FANCI: variants seen among roughly 807,000 people sequenced by gnomAD.
The protein encoded by FANCI is Fanconi anemia group I protein.
A neutral mutation model predicts 176.1 loss-of-function variants in FANCI; 156 were observed. The ratio of observed to expected loss-of-function variants is 0.89; its 90% CI spans 0.78 to 1.01. The LOEUF is 1.01. Ranked by LOEUF, FANCI falls within the 50% of genes least tolerant of loss-of-function variation. The pLI is 0.00. For missense variants in FANCI, 1,678 were observed against 1,534.1 expected, an observed-to-expected ratio of 1.09 and a Z score of -1.57; for synonymous variants, 613 against 541.7, an observed-to-expected ratio of 1.13 and a Z score of -1.83.
At chr15:89,256,608 T>C (rs888615955) in intron 2 of FANCI, among the ~76,000 whole-genome samples, 1 of 152,188 alleles carries the variant, frequency 6.6e-6, no homozygotes, top group Non-Finnish European at 1.5e-5. Context: ...TGACTCTTGG[T>C]GTTTCTCTTC....
intron 24 of FANCI, 54 bp from the exon 25 acceptor site, chr15:89,299,746 A>AT (rs1181841068): frequency 1.3e-6 from 2 of 1,579,876 alleles, no homozygotes; most frequent in African/African-American, 2.7e-5. Flanking sequence ...ACTGTTTGTT[A>AT]TTTTATCTCG....
intron 1 of FANCI, chr15:89,245,754 A>C (rs1337746750): frequency 6.6e-6 from 1 of 152,184 alleles, no homozygotes; most frequent in Non-Finnish European, 1.5e-5. Flanking sequence ...TCCTTACTTA[A>C]GGGTTTTGGA....
At chr15:89,286,977 C>CTTTTTCTTTTTTTTTT (rs2053839505) in intron 18 of FANCI, among the ~76,000 whole-genome samples, 1 of 86,054 alleles carries the variant, frequency 1.2e-5, no homozygotes, top group African/African-American at 4.7e-5. Context: ...TCACCTTGCA[C>CTTTTTCTTTTTTTTTT]TTTTTTTTTT....
chr15:89,269,536 A>T (rs973708793), intron 10 of FANCI, among the ~76,000 whole-genome samples: 3 of 151,646 alleles, frequency 2.0e-5, no homozygotes, highest in Non-Finnish European at 4.4e-5. Flanking sequence ...ACATTTTTGG[A>T]TTTATCTGAT....
At chr15:89,271,924 A>T (rs568261972) in intron 10 of FANCI, among the ~76,000 whole-genome samples, 18 of 152,368 alleles carry the variant, frequency 1.2e-4, no homozygotes, top group African/African-American at 3.8e-4. Context: ...ATTCAAATGT[A>T]AGTCTTTGTG....
At position 89,261,571 on chromosome 15, in the gene FANCI, C is replaced by A; in HGVS notation, c.289-14C>A. On this transcript the variant is annotated splice_polypyrimidine_tract_variant and intron_variant, in intron 4 of 37. Transcript: ENST00000310775. ...ATTTCTGCTTGAGATTTCCTTTATC[C>A]TGTGAACTTTTAGGCTCACCATTTT... 1 of 1,613,982 alleles carries A rather than the reference C, an allele frequency of 6.2e-7. No homozygotes were observed. Among genetic ancestry groups the A allele is most frequent in the African/African-American group, 1.3e-5 (1 of 75,008 alleles).
intron 31 of FANCI, 61 bp from the exon 32 acceptor site, chr15:89,305,946 C>A: frequency 6.5e-7 from 1 of 1,544,798 alleles, no homozygotes; most frequent in Non-Finnish European, 8.9e-7. Context: ...TTCTAAATCT[C>A]CTTTACTCTT....
chr15:89,271,250 A>T (rs1029572430), intron 10 of FANCI, among the ~76,000 whole-genome samples: 6 of 152,138 alleles, frequency 3.9e-5, no homozygotes, highest in Non-Finnish European at 7.4e-5. Flanking sequence ...AACTGTCACT[A>T]TAATCCAATT....
chr15:89,270,187 G>A (rs2053146256), intron 10 of FANCI, among the ~76,000 whole-genome samples: 1 of 152,100 alleles, frequency 6.6e-6, no homozygotes, highest in South Asian at 2.1e-4. Context: ...ACAAAAACAG[G>A]TAGTGGGTTG....
intron 1 of FANCI, among the ~76,000 whole-genome samples, chr15:89,245,605 A>G (rs1239097418): frequency 2.0e-5 from 3 of 151,996 alleles, no homozygotes; most frequent in Non-Finnish European, 4.4e-5. Context: ...TATTTATTTA[A>G]GTTCCAGATG....
At chr15:89,290,444 C>A in intron 19 of FANCI, 163 bp downstream of exon 19, 1 of 641,532 alleles carries the variant, frequency 1.6e-6, no homozygotes, top group Non-Finnish European at 2.8e-6. Context: ...TGTCTTATCT[C>A]GGTCACCACT....
intron 18 of FANCI, among the ~76,000 whole-genome samples, chr15:89,287,283 T>C (rs1453308360): frequency 2.0e-5 from 3 of 152,164 alleles, no homozygotes; most frequent in Admixed American, 2.0e-4. Flanking sequence ...CCTTGCACTT[T>C]TATGTTATGG....
At chr15:89,271,777 A>G (rs2053208663) in intron 10 of FANCI, among the ~76,000 whole-genome samples, 1 of 152,158 alleles carries the variant, frequency 6.6e-6, no homozygotes, top group African/African-American at 2.4e-5. Context: ...GAGCTACCAT[A>G]TCAGGCTCAT....
chr15:89,247,613 C>G lies in FANCI; in HGVS notation c.-19-16C>G, dbSNP rs766010960. ...TTCTGGAATCTTCACCCACCTCTGACGTTTTTCCCTTGTAGTTCTGTGATA... is the reference window on the plus strand; with the variant it reads ...TTCTGGAATCTTCACCCACCTCTGAGGTTTTTCCCTTGTAGTTCTGTGATA... On this transcript the variant is annotated splice_polypyrimidine_tract_variant and intron_variant, in intron 1 of 37. Coordinates refer to ENST00000310775, the MANE Select transcript of FANCI (RefSeq NM_001113378.2). 1 of 1,568,560 alleles carries G rather than the reference C, an allele frequency of 6.4e-7. No individual in the cohort carries two copies. The highest frequency in any genetic ancestry group is 1.4e-5 in the African/African-American group (1 of 73,980).
intron 2 of FANCI, among the ~76,000 whole-genome samples, chr15:89,255,057 T>C (rs537124123): frequency 6.6e-6 from 1 of 152,322 alleles, no homozygotes; most frequent in South Asian, 2.1e-4. Context: ...TGTTCCAGGA[T>C]CCCACTCAGC....
At chr15:89,244,639 T>G (rs538786251) in intron 1 of FANCI, among the ~76,000 whole-genome samples, 2 of 152,270 alleles carry the variant, frequency 1.3e-5, no homozygotes, top group East Asian at 3.8e-4. Context: ...CCCTTCTGGC[T>G]GGACACCTTT....
intron 13 of FANCI, among the ~76,000 whole-genome samples, chr15:89,278,274 CTG>C (rs1418102063): frequency 6.6e-6 from 1 of 152,196 alleles, no homozygotes; most frequent in African/African-American, 2.4e-5. Flanking sequence ...CTTCTAGAAA[CTG>C]AGAAAGGGGT....
intron 14 of FANCI, among the ~76,000 whole-genome samples, chr15:89,279,628 GT>G (rs1228155178): frequency 6.6e-6 from 1 of 152,096 alleles, no homozygotes; most frequent in East Asian, 1.9e-4. Context: ...CCTGTGACCA[GT>G]TTTCCTTTTA....
rs918877318 is a variant in FANCI, at chr15:89,315,512, A to T, written c.3924+123A>T. The T allele has an allele frequency of 4.1e-6, 3 of 723,958 alleles. No homozygotes were observed. In the East Asian group the frequency reaches 8.1e-5, roughly 20 times the overall value. 44.8% of individuals were successfully genotyped at this position (723,958 alleles called of 1,614,324 possible). A position where few individuals can be genotyped will look rare whatever the true frequency, so the allele number is the denominator to read the frequency against. On this transcript the variant is annotated intron_variant, in intron 37 of 37. Coordinates refer to ENST00000310775, the MANE Select transcript of FANCI (RefSeq NM_001113378.2). ...GGAAAGGGCTAAAAGGTGATCAGGC[A>T]AAGATGAGAGCAAAGGACTCTCAGA...
Sources: allele counts gnomAD v4.1 joint callset (sites outside exome capture counted in the v4.1 genomes callset), GRCh38; gene constraint gnomAD v4.1.1; transcripts MANE v1.5; gene names NCBI Gene and HGNC (gene_info 2026-07-23, HGNC 2026-07-21).